Variants in UNKL observed in about 807,000 individuals in gnomAD.
UNKL encodes the protein unk like zinc finger.
Under a neutral mutation model 78.0 loss-of-function variants are expected in UNKL, and 60 were observed. The ratio of observed to expected loss-of-function variants is 0.77; its 90% CI spans 0.63 to 0.95. The LOEUF is 0.95. UNKL is among the 40% of genes least tolerant of loss of function. UNKL has a pLI of 0.00. For synonymous variants in UNKL, 608 were observed against 474.8 expected (o/e 1.28, Z -3.65); for missense variants, 1,159 against 1,045.7 (o/e 1.11, Z -1.49).
At chr16:1,382,908 A>C (rs181618785) in intron 10 of UNKL, among the ~76,000 whole-genome samples, 143 of 151,804 alleles carry the variant, frequency 9.4e-4, no homozygotes, top group African/African-American at 3.1e-3. Flanking sequence ...CAGTGAGCCA[A>C]GATTGTGCCA....
rs1441249653 is a variant in UNKL at position 1,408,269 on chromosome 16, C to A, written c.288-4925G>T. 4.6e-5 allele frequency among the ~76,000 whole-genome samples: 7 copies of A among 152,326 alleles called. No homozygotes were observed. The South Asian group carries it at 1.4e-3, about 32-fold the overall frequency. The stretch of plus-strand genomic sequence containing the variant: ...CGCCCACATGGGAGCTGCCCCCCCC[C>A]CCAACGACCAGGACGGTTCCCACGG... On this transcript the variant is annotated intron_variant, in intron 2 of 14. Transcript: ENST00000389221.
At chr16:1,380,784 C>T (rs1474509794) in intron 10 of UNKL, among the ~76,000 whole-genome samples, 1 of 146,768 alleles carries the variant, frequency 6.8e-6, no homozygotes, top group Non-Finnish European at 1.5e-5. Flanking sequence ...AAGCAATTCT[C>T]GTGCCTCAAC....
At chr16:1,411,249 G>T (rs1258580618) in intron 2 of UNKL, among the ~76,000 whole-genome samples, 1 of 152,226 alleles carries the variant, frequency 6.6e-6, no homozygotes, top group South Asian at 2.1e-4. Context: ...AGCTCCAGAG[G>T]CTGAAGTGGG....
chr16:1,388,781 C>G (rs2036922561), intron 9 of UNKL, among the ~76,000 whole-genome samples: 1 of 151,428 alleles, frequency 6.6e-6, no homozygotes, highest in Admixed American at 6.6e-5. Context: ...ACCACCAGCA[C>G]CGTTCACACC....
Position 1,387,197 on chromosome 16 carries a change from C to T in UNKL, c.1087-1812G>A, listed in dbSNP as rs1044359544. On this transcript the variant is annotated intron_variant, in intron 9 of 14. Transcript: ENST00000389221. This position sits in a 1 kb window ranked among gnomAD's most constrained non-coding sequence, Gnocchi z 4.1. ...GGGGACCCTCCCAGCCATGCAACACCGGGGACACTCCCAGCCATGCAACAC... is the reference window on the plus strand; with the variant it reads ...GGGGACCCTCCCAGCCATGCAACACTGGGGACACTCCCAGCCATGCAACAC... Among the ~76,000 whole-genome samples the T allele has an allele frequency of 2.0e-4, 30 of 151,648 alleles. No individual in the cohort carries two copies. Among genetic ancestry groups the T allele is most frequent in the African/African-American group, 7.1e-4 (29 of 41,096 alleles).
chr16:1,389,009 C>T (rs1203629410), intron 9 of UNKL, among the ~76,000 whole-genome samples: 2 of 152,206 alleles, frequency 1.3e-5, no homozygotes, highest in African/African-American at 4.8e-5. Context: ...TCCAGAACTC[C>T]TCATCTTCCA....
chr16:1,385,557 C>G (rs2036780249), intron 9 of UNKL, 172 bp from the exon 10 acceptor site: 1 of 567,390 alleles, frequency 1.8e-6, no homozygotes, highest in African/African-American at 2.0e-5. Flanking sequence ...AGGAGAAACA[C>G]CAGGACGGCA....
chr16:1,396,688 G>T (rs1438174982), intron 6 of UNKL, among the ~76,000 whole-genome samples: 1 of 152,088 alleles, frequency 6.6e-6, no homozygotes, highest in Non-Finnish European at 1.5e-5. Context: ...CCGCCTCCTG[G>T]GTTCACGCCA....
intron 14 of UNKL, among the ~76,000 whole-genome samples, chr16:1,366,629 A>T (rs941260656): frequency 1.3e-5 from 2 of 152,144 alleles, no homozygotes; most frequent in African/African-American, 2.4e-5. Context: ...TCCTGGGGCC[A>T]CCACAGACAC....
chr16:1,407,701 A>C (rs906416142), intron 2 of UNKL, among the ~76,000 whole-genome samples: 14 of 151,480 alleles, frequency 9.2e-5, no homozygotes, highest in Non-Finnish European at 2.1e-4. Context: ...GTCAAAAAAA[A>C]AAAAAAAAGG....
chr16:1,404,115 A>G (rs1442204264), intron 2 of UNKL, among the ~76,000 whole-genome samples: 5 of 151,020 alleles, frequency 3.3e-5, no homozygotes, highest in Non-Finnish European at 5.9e-5. Flanking sequence ...AGGTCACTCC[A>G]GAAGGAGGCA....
At position 1,366,396 on chromosome 16, in the gene UNKL, C is replaced by T; in HGVS notation, c.2047-1G>A. 6.3e-7 allele frequency: 1 copy of T among 1,585,610 alleles called. No individual in the cohort carries two copies. The highest frequency in any genetic ancestry group is 8.6e-7 in the Non-Finnish European group (1 of 1,162,520). On this transcript the variant is annotated splice_acceptor_variant, in intron 14 of 14. Transcript: ENST00000389221. LOFTEE classifies it high-confidence loss of function. ...GCTTGGCGCGGAGCTGGAAGATCAC[C>T]TGCAGGGCCAGAACAATGACGGGCT...
At chr16:1,402,041 G>C (rs1274071423) in intron 3 of UNKL, among the ~76,000 whole-genome samples, 1 of 152,232 alleles carries the variant, frequency 6.6e-6, no homozygotes, top group Admixed American at 6.5e-5. Context: ...GGGATTACAT[G>C]TATGGGCCAC....
intron 2 of UNKL, among the ~76,000 whole-genome samples, chr16:1,409,451 G>C (rs2037936143): frequency 6.6e-6 from 1 of 152,112 alleles, no homozygotes; most frequent in Non-Finnish European, 1.5e-5. Flanking sequence ...TTCCTAAAGG[G>C]CCGGTCGAAG....
chr16:1,375,431 G>C (rs917667982), intron 10 of UNKL, among the ~76,000 whole-genome samples: 2 of 152,204 alleles, frequency 1.3e-5, no homozygotes, highest in Admixed American at 1.3e-4. Flanking sequence ...CACGCCAGCC[G>C]TGAGGGAATT....
rs370214281 is a variant in UNKL, at chr16:1,401,553, C to A, written c.598+15G>T. On this transcript the variant is annotated intron_variant, in intron 4 of 14. Transcript: ENST00000389221. ...CCCCCCCCACCACCGCCCTCAGCTG[C>A]GGCCGTGGAGTTACCTTGCCACCGG... is the stretch of plus-strand genomic sequence containing the variant. 3.9e-6 allele frequency: 6 copies of A among 1,530,786 alleles called. No individual in the cohort carries two copies. Among genetic ancestry groups the A allele is most frequent in the East Asian group, 2.3e-5 (1 of 42,664 alleles). 94.8% of individuals were successfully genotyped at this position (1,530,786 alleles called of 1,614,324 possible).
At chr16:1,398,275 T>C (rs908932276) in intron 5 of UNKL, 2 of 995,550 alleles carry the variant, frequency 2.0e-6, no homozygotes, top group African/African-American at 3.5e-5. Context: ...AGACTCTGTC[T>C]CATAAAAAAA....
chr16:1,405,226 A>C, intron 2 of UNKL, among the ~76,000 whole-genome samples: 1 of 110,960 alleles, frequency 9.0e-6, no homozygotes, highest in South Asian at 3.0e-4. Context: ...AAAAAAAAGG[A>C]GGCGAGGAAG....
chr16:1,372,844 G>A, intron 10 of UNKL, among the ~76,000 whole-genome samples: 1 of 150,152 alleles, frequency 6.7e-6, no homozygotes, highest in African/African-American at 2.5e-5. Context: ...CACAGGGACT[G>A]CCGGCCTACA....
Sources: allele counts gnomAD v4.1 joint callset (sites outside exome capture counted in the v4.1 genomes callset), GRCh38; gene constraint gnomAD v4.1.1; non-coding constraint Gnocchi (gnomAD v3.1); transcripts MANE v1.5; gene names NCBI Gene and HGNC (gene_info 2026-07-23, HGNC 2026-07-21).